The following ACTR8 variants were observed in gnomAD, a reference collection of about 807,000 sequenced individuals.
ACTR8 encodes the protein actin-related protein 8.
In ACTR8, 70 loss-of-function variants were observed where a neutral mutation model predicts 84.3. That is an observed-to-expected ratio of 0.83 (90% CI 0.68 to 1.01). The LOEUF (loss-of-function observed/expected upper bound fraction) is 1.01, where lower values mean the gene tolerates loss of function less well. Among genes scored for constraint, ACTR8 ranks in the 50% least tolerant of loss-of-function variants. The pLI is 0.00. For missense variants in ACTR8, 672 were observed against 775.4 expected, an observed-to-expected ratio of 0.87 and a Z score of 1.58; for synonymous variants, 268 against 275.2, an observed-to-expected ratio of 0.97 and a Z score of 0.26.
chr3:53,873,768 C>T (rs1699924215), intron 8 of ACTR8, among the ~76,000 whole-genome samples: 1 of 152,186 alleles, frequency 6.6e-6, no homozygotes, highest in South Asian at 2.1e-4. Context: ...GGGCTTTCAC[C>T]TGCAGGCTTT....
At chr3:53,864,434 C>T (rs969145391), downstream of ACTR8, among the ~76,000 whole-genome samples, 1 of 152,034 alleles carries the variant, frequency 6.6e-6, no homozygotes, top group Non-Finnish European at 1.5e-5. Flanking sequence ...ACTCGGGAGG[C>T]TGAGGCAGGA....
At chr3:53,874,738 AAAC>A (rs995889552) in intron 7 of ACTR8, among the ~76,000 whole-genome samples, 2 of 151,916 alleles carry the variant, frequency 1.3e-5, no homozygotes, top group Non-Finnish European at 2.9e-5. Flanking sequence ...AAAAAAAAAG[AAAC>A]ACAAAAAACA....
rs373055423 is a variant in ACTR8, at chr3:53,871,316, T to C, written c.1483A>G (p.Met495Val). 1.8e-5 allele frequency: 29 copies of C among 1,614,132 alleles called. No individual in the cohort carries two copies. Among genetic ancestry groups the C allele is most frequent in the Non-Finnish European group, 2.2e-5 (26 of 1,180,064 alleles). ...NDSEEALTAL[M>V]SRKTAISLFE... ...AGCGAGATGGCAGTCTTCCTGGACATCAGTGCAGTGAGGGCCTCCTCGGAA... is the reference window on the plus strand; with the variant it reads ...AGCGAGATGGCAGTCTTCCTGGACACCAGTGCAGTGAGGGCCTCCTCGGAA... The change falls in exon 11 of 13, where the codon ATG becomes GTG. Residue 495 changes from methionine (M) to valine (V), a missense_variant. By Grantham distance (21) the Met-to-Val change is conservative. Coordinates refer to ENST00000335754, the MANE Select transcript of ACTR8 (RefSeq NM_022899.5).
At chr3:53,869,893 C>G (rs1699858201) in intron 12 of ACTR8, 89 bp downstream of exon 12, 1 of 1,494,464 alleles carries the variant, frequency 6.7e-7, no homozygotes, top group Non-Finnish European at 9.1e-7. Context: ...TCCTCAGACA[C>G]AAGCCCATGC....
chr3:53,866,271 C>T (rs1024727745), downstream of ACTR8, among the ~76,000 whole-genome samples: 1 of 152,078 alleles, frequency 6.6e-6, no homozygotes, highest in African/African-American at 2.4e-5. Flanking sequence ...GTGGTCCCAG[C>T]TACTAGGGAG....
At chr3:53,863,352 A>C (rs1699638658), downstream of ACTR8, among the ~76,000 whole-genome samples, 1 of 152,214 alleles carries the variant, frequency 6.6e-6, no homozygotes, top group Non-Finnish European at 1.5e-5. Flanking sequence ...GAGTATTTGA[A>C]TACAGAAACC....
downstream of ACTR8, chr3:53,865,363 G>A (rs1699750429): frequency 4.4e-6 from 6 of 1,376,946 alleles, no homozygotes; most frequent in Admixed American, 4.4e-5. Flanking sequence ...CAATTACAGG[G>A]AAAAAACGTG....
chr3:53,872,278 G>A, intron 10 of ACTR8, 106 bp downstream of exon 10: 1 of 1,234,802 alleles, frequency 8.1e-7, no homozygotes. Flanking sequence ...CTATATCAGT[G>A]TTATTATGCT....
Position 53,868,548 on chromosome 3 carries a change from G to C in ACTR8, c.*171C>G, listed in dbSNP as rs1042930582. The C allele has an allele frequency of 6.9e-6, 7 of 1,011,830 alleles. No individual in the cohort carries two copies. The highest frequency in any genetic ancestry group is 8.5e-6 in the Non-Finnish European group (6 of 708,568). The allele number at this position is 1,011,830 out of a possible 1,614,324, so 62.7% of individuals were successfully genotyped here. Reference sequence around the variant, plus strand: ...AATGCCCTGACTAAACTGCTCAAAAGCAGTTTATATTTTCAAACCAATGTC... The same window carrying C: ...AATGCCCTGACTAAACTGCTCAAAACCAGTTTATATTTTCAAACCAATGTC... On this transcript the variant is annotated 3_prime_UTR_variant, in exon 13 of 13. Transcript: ENST00000335754.
chr3:53,860,411 G>A, the ACTR8 span: 1 of 437,814 alleles, frequency 2.3e-6, no homozygotes, highest in East Asian at 3.3e-5. Flanking sequence ...ACACATGCCA[G>A]GTGAAAGCAG....
chr3:53,866,258 C>T (rs1699775084), downstream of ACTR8, among the ~76,000 whole-genome samples: 1 of 152,070 alleles, frequency 6.6e-6, no homozygotes, highest in South Asian at 2.1e-4. Flanking sequence ...ATGGTGTAAG[C>T]CTGTGGTCCC....
In ACTR8 at chr3:53,882,027, G is replaced by T. The variant is rs560086691; in HGVS notation, c.75C>A (p.Gly25=). The change falls in exon 1 of 13, where the codon GGC becomes GGA. Residue 25 remains glycine (G), a synonymous_variant. Transcript: ENST00000335754. ...GCGCGGGCACGATGGGCCGCTTCAC[G>T]CCGCGCTGCTCCTTCTCCTTCTCGC... ...KGGEKEKEQR[G]VKRPIVPALV... 13 of 1,551,848 alleles carry T rather than the reference G, an allele frequency of 8.4e-6. No individual in the cohort carries two copies. In the African/African-American group the frequency reaches 1.5e-4, roughly 18 times the overall value.
chr3:53,879,458 G>A (rs1700026869), intron 2 of ACTR8, among the ~76,000 whole-genome samples: 1 of 152,084 alleles, frequency 6.6e-6, no homozygotes, highest in African/African-American at 2.4e-5. Flanking sequence ...CTGCAACATA[G>A]GATAAAGTAG....
chr3:53,869,587 C>T (rs1249133548), intron 12 of ACTR8, among the ~76,000 whole-genome samples: 1 of 152,094 alleles, frequency 6.6e-6, no homozygotes, highest in East Asian at 1.9e-4. Flanking sequence ...TCTTTCTTTT[C>T]AAGATAGTTC....
chr3:53,859,092 G>A, the ACTR8 span: 2 of 320,184 alleles, frequency 6.2e-6, no homozygotes, highest in Non-Finnish European at 1.1e-5. Context: ...TGGATGTTCT[G>A]AGTGCCACAA....
At chr3:53,881,872 C>G in intron 1 of ACTR8, 107 bp downstream of exon 1, 1 of 1,507,930 alleles carries the variant, frequency 6.6e-7, no homozygotes, top group Non-Finnish European at 8.9e-7. Context: ...CCACCAGGGG[C>G]TGGGGCCTGC....
At chr3:53,881,858 C>A (rs1013031520) in intron 1 of ACTR8, 121 bp downstream of exon 1, 17 of 392,576 alleles carry the variant, frequency 4.3e-5, no homozygotes, top group Admixed American at 3.2e-4. Context: ...CTTCCGCACT[C>A]CCCCCACCAG....
In ACTR8 at chr3:53,877,254, G is replaced by A. The variant is rs923955076; in HGVS notation, c.644C>T (p.Ala215Val). Residue 215 changes from alanine (A) to valine (V), a missense_variant, in exon 5 of 13, where the codon GCG becomes GTG. Ala to Val is a moderately conservative substitution (Grantham distance 64, BLOSUM62 0). Transcript: ENST00000335754. ...TGGGATTTCCAAGTATTTTTGTATCGCATGAGACCATATTACTTCAATATC... is the reference window on the plus strand; with the variant it reads ...TGGGATTTCCAAGTATTTTTGTATCACATGAGACCATATTACTTCAATATC... ...LADIEVIWSH[A>V]IQKYLEIPLK... The A allele has an allele frequency of 3.1e-5, 50 of 1,610,120 alleles. No individual in the cohort carries two copies. Among genetic ancestry groups the A allele is most frequent in the Non-Finnish European group, 3.5e-5 (41 of 1,178,822 alleles).
intron 7 of ACTR8, among the ~76,000 whole-genome samples, chr3:53,875,189 G>A (rs1699947636): frequency 6.6e-6 from 1 of 152,206 alleles, no homozygotes; most frequent in Non-Finnish European, 1.5e-5. Context: ...AACAATGGAT[G>A]AGCCAAATAA....
Sources: gnomAD v4.1 joint callset for allele counts (sites outside exome capture counted in the v4.1 genomes callset) on GRCh38, gnomAD v4.1.1 for gene constraint, MANE v1.5 for transcripts, NCBI Gene and HGNC (gene_info 2026-07-23, HGNC 2026-07-21) for gene names.